GALNT13: variants seen among roughly 807,000 people sequenced by gnomAD.
The protein encoded by GALNT13 is UDP-GalNAc:polypeptide N-acetylgalactosaminyltransferase 13.
In GALNT13, 28 loss-of-function variants were observed where a neutral mutation model predicts 64.2. That is an observed-to-expected ratio of 0.44 (90% CI 0.32 to 0.60). The LOEUF is 0.60. Ranked by LOEUF, GALNT13 falls within the 20% of genes least tolerant of loss-of-function variation. The pLI, the probability that GALNT13 is intolerant of heterozygous loss-of-function variation, is 0.05. For missense variants in GALNT13, 577 were observed against 669.8 expected (o/e 0.86, Z 1.53); for synonymous variants, 214 against 224.6 (o/e 0.95, Z 0.42).
the GALNT13 span, among the ~76,000 whole-genome samples, chr2:153,435,260 G>C: frequency 2.0e-5 from 3 of 152,258 alleles, no homozygotes; most frequent in East Asian, 5.8e-4. Context: ...GTCAGGTAGC[G>C]TGATGCCTCC....
the GALNT13 span, among the ~76,000 whole-genome samples, chr2:153,772,572 A>G: frequency 6.6e-6 from 1 of 152,186 alleles, no homozygotes; most frequent in Admixed American, 6.5e-5. Flanking sequence ...TCTTGAATTA[A>G]AGCTCAAAGA....
intron 3 of GALNT13, among the ~76,000 whole-genome samples, chr2:154,081,693 A>G (rs1165697527): frequency 6.6e-6 from 1 of 151,764 alleles, no homozygotes; most frequent in East Asian, 1.9e-4. Context: ...AAATTCCTAT[A>G]TCTATGAATG....
At chr2:153,344,857 C>T in the GALNT13 span, among the ~76,000 whole-genome samples, 2 of 152,138 alleles carry the variant, frequency 1.3e-5, no homozygotes, top group African/African-American at 2.4e-5. Flanking sequence ...TCAAGTTATA[C>T]ACATTAAATG....
chr2:153,382,730 G>C, the GALNT13 span, among the ~76,000 whole-genome samples: 1 of 151,808 alleles, frequency 6.6e-6, no homozygotes, highest in African/African-American at 2.4e-5. Context: ...CATAAATCAG[G>C]GATAAATCTG....
chr2:154,329,008 C>T (rs1695024745), intron 9 of GALNT13, among the ~76,000 whole-genome samples: 1 of 152,020 alleles, frequency 6.6e-6, no homozygotes, highest in African/African-American at 2.4e-5. Context: ...TTATCTTTTC[C>T]TTATTGACCT....
chr2:153,193,708 A>G, the GALNT13 span, among the ~76,000 whole-genome samples: 5 of 151,622 alleles, frequency 3.3e-5, no homozygotes, highest in African/African-American at 1.2e-4. Flanking sequence ...TTACATTTGC[A>G]TGTGCTTTTA....
chr2:153,584,255 G>GA, the GALNT13 span, among the ~76,000 whole-genome samples: 1 of 152,098 alleles, frequency 6.6e-6, no homozygotes, highest in Non-Finnish European at 1.5e-5. Flanking sequence ...ATCCATTATT[G>GA]AGGGGGCTTG....
At chr2:153,498,951 C>T in the GALNT13 span, among the ~76,000 whole-genome samples, 1 of 151,906 alleles carries the variant, frequency 6.6e-6, no homozygotes, top group East Asian at 1.9e-4. Context: ...GGGTTCACTC[C>T]ATTCTCCTGC....
upstream of GALNT13, among the ~76,000 whole-genome samples, chr2:153,867,835 A>G (rs1685792718): frequency 6.6e-6 from 1 of 152,066 alleles, no homozygotes; most frequent in Non-Finnish European, 1.5e-5. Flanking sequence ...AGAGAATCTA[A>G]TGCTGCTGCT....
At chr2:153,844,750 TCTA>T in the GALNT13 span, among the ~76,000 whole-genome samples, 2 of 152,202 alleles carry the variant, frequency 1.3e-5, no homozygotes, top group African/African-American at 4.8e-5. Context: ...TCCTCTCACA[TCTA>T]AGCTTAGGCT....
intron 4 of GALNT13, among the ~76,000 whole-genome samples, chr2:154,146,060 A>G (rs1683572733): frequency 6.6e-6 from 1 of 151,720 alleles, no homozygotes; most frequent in Non-Finnish European, 1.5e-5. Context: ...GTGTAGAATT[A>G]ATTTCACTAT....
At chr2:154,448,575 A>G (rs921481755) in intron 12 of GALNT13, among the ~76,000 whole-genome samples, 1 of 152,082 alleles carries the variant, frequency 6.6e-6, no homozygotes, top group Non-Finnish European at 1.5e-5. Context: ...TTGTCTCTGC[A>G]GCAGTGGGTT....
At chr2:153,729,418 T>TA in the GALNT13 span, among the ~76,000 whole-genome samples, 9 of 152,070 alleles carry the variant, frequency 5.9e-5, no homozygotes, top group Admixed American at 3.9e-4. Context: ...TTTATCATTT[T>TA]AAAAAAATTA....
At chr2:153,585,325 G>A in the GALNT13 span, among the ~76,000 whole-genome samples, 1 of 152,098 alleles carries the variant, frequency 6.6e-6, no homozygotes, top group African/African-American at 2.4e-5. Flanking sequence ...CCAAGGAGAA[G>A]AAAGAATTTC....
the GALNT13 span, among the ~76,000 whole-genome samples, chr2:153,600,317 T>A: frequency 2.0e-5 from 3 of 152,088 alleles, no homozygotes; most frequent in Non-Finnish European, 1.5e-5. Context: ...TTATTTTTTT[T>A]TCAAAACCCA....
At chr2:153,082,575 A>T in the GALNT13 span, among the ~76,000 whole-genome samples, 28 of 24,612 alleles carry the variant, frequency 1.1e-3, no homozygotes, top group African/African-American at 4.7e-3. Flanking sequence ...AGGCTGGTTT[A>T]TATATATATA....
chr2:154,098,004 G>A (rs1249607116), intron 3 of GALNT13, among the ~76,000 whole-genome samples: 6 of 151,988 alleles, frequency 3.9e-5, no homozygotes, highest in South Asian at 2.1e-4. Flanking sequence ...GACTGGAGAC[G>A]TGACCAAACT....
At chr2:153,430,531 A>G in the GALNT13 span, among the ~76,000 whole-genome samples, 5 of 133,006 alleles carry the variant, frequency 3.8e-5, no homozygotes, top group African/African-American at 1.0e-4. Context: ...AGGTAGGGAG[A>G]GAGAGAGAGA....
At chr2:153,423,177 A>AT in the GALNT13 span, among the ~76,000 whole-genome samples, 5 of 151,898 alleles carry the variant, frequency 3.3e-5, no homozygotes, top group Admixed American at 3.3e-4. Flanking sequence ...AGAATGATGA[A>AT]TTTTTTTCTT....
Sources: gnomAD v4.1 joint callset for allele counts (sites outside exome capture counted in the v4.1 genomes callset) on GRCh38, gnomAD v4.1.1 for gene constraint, MANE v1.5 for transcripts, NCBI Gene and HGNC (gene_info 2026-07-23, HGNC 2026-07-21) for gene names.